The following WDFY2 variants were observed in gnomAD, a reference collection of about 807,000 sequenced individuals.
WDFY2 encodes the protein WD repeat and FYVE domain-containing protein 2.
In WDFY2, 36 loss-of-function variants were observed where a neutral mutation model predicts 56.4. The observed-to-expected ratio is 0.64, with a 90% CI of 0.49 to 0.84. WDFY2 has a LOEUF of 0.84. Among genes scored for constraint, WDFY2 ranks in the 40% least tolerant of loss-of-function variants. WDFY2 has a pLI of 0.00. For synonymous variants in WDFY2, 176 were observed against 183.7 expected (o/e 0.96, Z 0.34); for missense variants, 444 against 512.2 (o/e 0.87, Z 1.29).
chr13:51,683,965 T>G (rs1956019618), intron 3 of WDFY2, among the ~76,000 whole-genome samples: 1 of 152,142 alleles, frequency 6.6e-6, no homozygotes, highest in South Asian at 2.1e-4. Context: ...TTACTGATCC[T>G]CCTACACTAA....
At chr13:51,670,483 G>A (rs1336434643) in intron 2 of WDFY2, among the ~76,000 whole-genome samples, 4 of 136,722 alleles carry the variant, frequency 2.9e-5, no homozygotes, top group Admixed American at 7.6e-5. Context: ...CCTACTGTGC[G>A]CACATGCACA....
In WDFY2 at chr13:51,584,687, G is replaced by C. The variant is rs1953900643; in HGVS notation, c.-1G>C. 6.2e-7 allele frequency: 1 copy of C among 1,610,676 alleles called. No individual in the cohort carries two copies. The highest frequency in any genetic ancestry group is 1.1e-5 in the South Asian group (1 of 90,932). ...GCGCCCCAGGCGCGCCCCCTCCTCC[G>C]ATGGCGGCGGAGATCCAGCCCAAGC... On this transcript the variant is annotated 5_prime_UTR_variant, in exon 1 of 12. Coordinates refer to ENST00000298125, the MANE Select transcript of WDFY2 (RefSeq NM_052950.4).
At chr13:51,753,358 A>C (rs1953280499) in intron 8 of WDFY2, among the ~76,000 whole-genome samples, 1 of 152,194 alleles carries the variant, frequency 6.6e-6, no homozygotes, top group African/African-American at 2.4e-5. Context: ...AGATCGAGTG[A>C]CATTGCATAG....
intron 3 of WDFY2, among the ~76,000 whole-genome samples, chr13:51,694,784 C>T (rs1191165788): frequency 6.6e-6 from 1 of 152,176 alleles, no homozygotes; most frequent in African/African-American, 2.4e-5. Flanking sequence ...TGTTTTCCAA[C>T]TTGGTTCCAT....
chr13:51,655,674 T>C (rs749732333), intron 1 of WDFY2, among the ~76,000 whole-genome samples: 1 of 152,166 alleles, frequency 6.6e-6, no homozygotes, highest in Non-Finnish European at 1.5e-5. Context: ...CCAGCTTTCA[T>C]AGAATGTGTT....
At chr13:51,707,864 T>C (rs1952117724) in intron 4 of WDFY2, among the ~76,000 whole-genome samples, 1 of 144,070 alleles carries the variant, frequency 6.9e-6, no homozygotes, top group Non-Finnish European at 1.5e-5. Context: ...TAGAATGCTA[T>C]ACACAAAGAG....
chr13:51,701,247 GTGTGGTGGCTCACGCC>G (rs1469586166), intron 3 of WDFY2, among the ~76,000 whole-genome samples: 85 of 152,204 alleles, frequency 5.6e-4, no homozygotes, highest in African/African-American at 2.0e-3. Context: ...ACAAGGCTGG[GTGTGGTGGCTCACGCC>G]TGTAATCCCA....
At chr13:51,630,059 C>A (rs1954922384) in intron 1 of WDFY2, among the ~76,000 whole-genome samples, 1 of 152,012 alleles carries the variant, frequency 6.6e-6, no homozygotes, top group African/African-American at 2.4e-5. Context: ...AACATAATAT[C>A]TCCAGCACAT....
chr13:51,642,623 C>G (rs1955189399), intron 1 of WDFY2, among the ~76,000 whole-genome samples: 1 of 150,040 alleles, frequency 6.7e-6, no homozygotes, highest in South Asian at 2.1e-4. Flanking sequence ...ATAACATTCT[C>G]AACCAGAATA....
rs80024247 is a variant in WDFY2, at chr13:51,586,917, G to C, written c.137+2093G>C. 51 of 152,108 alleles carry C rather than the reference G, an allele frequency of 3.4e-4. No individual in the cohort carries two copies. In the East Asian group the frequency reaches 9.6e-3, roughly 29 times the overall value. 9.4% of individuals were successfully genotyped at this position (152,108 alleles called of 1,614,324 possible). ...CATGAACATAACTTTGTTATTTAGAGCTCAGTTTTGGTTATGGTTTTCATT... is the reference window on the plus strand; with the variant it reads ...CATGAACATAACTTTGTTATTTAGACCTCAGTTTTGGTTATGGTTTTCATT... On this transcript the variant is annotated intron_variant, in intron 1 of 11. Transcript: ENST00000298125.
At position 51,756,456 on chromosome 13, in the gene WDFY2, A is replaced by G. The variant is rs1160792623; in HGVS notation, c.1058A>G (p.Asp353Gly). 1 of 1,613,604 alleles carries G rather than the reference A, an allele frequency of 6.2e-7. No homozygotes were observed. Among genetic ancestry groups the G allele is most frequent in the Admixed American group, 1.7e-5 (1 of 59,906 alleles). The change falls in exon 10 of 12, where the codon GAT (aspartate) becomes GGT (glycine). Residue 353 changes from aspartate to glycine, a missense_variant. By Grantham distance (94) the Asp-to-Gly change is moderately conservative. Transcript: ENST00000298125. ...GACAGCTGCCACGAGGCCATCACAG[A>G]TGAAGAGTAAGTTCCTGCAGCCTGC... ...VCDSCHEAIT[D>G]EERAPTATFH... is the part of the protein sequence containing the mutation.
chr13:51,737,702 C>T (rs1004352635), intron 6 of WDFY2, among the ~76,000 whole-genome samples: 1 of 151,976 alleles, frequency 6.6e-6, no homozygotes, highest in African/African-American at 2.4e-5. Flanking sequence ...TCTGCTCCTT[C>T]ATTCAGCAGA....
At chr13:51,653,113 C>A (rs1024755490) in intron 1 of WDFY2, among the ~76,000 whole-genome samples, 1 of 152,108 alleles carries the variant, frequency 6.6e-6, no homozygotes, top group Non-Finnish European at 1.5e-5. Flanking sequence ...TCTTTTTATT[C>A]TTTTTTCTCT....
chr13:51,700,061 A>C (rs1268481230), intron 3 of WDFY2, among the ~76,000 whole-genome samples: 1 of 152,232 alleles, frequency 6.6e-6, no homozygotes, highest in Non-Finnish European at 1.5e-5. Context: ...AGAAAGTTAC[A>C]GAATAATATC....
At chr13:51,606,657 A>G (rs1435090004) in intron 1 of WDFY2, among the ~76,000 whole-genome samples, 1 of 152,192 alleles carries the variant, frequency 6.6e-6, no homozygotes, top group Non-Finnish European at 1.5e-5. Context: ...ATAAGTAAAT[A>G]TTATTGTATT....
At position 51,604,849 on chromosome 13, in the gene WDFY2, G is replaced by C. The variant is rs115229990; in HGVS notation, c.137+20025G>C. ...AATGATGGTGGTGCCTGAACTGAAG[G>C]ATTGTCAGGAGGGCACATTGAGAAG... On this transcript the variant is annotated intron_variant, in intron 1 of 11. Coordinates refer to ENST00000298125, the MANE Select transcript of WDFY2 (RefSeq NM_052950.4). Among the ~76,000 whole-genome samples the C allele has an allele frequency of 5.0e-3, 767 of 152,324 alleles. 5 individuals are homozygous for C. Among genetic ancestry groups the C allele is most frequent in the African/African-American group, 0.015 (604 of 41,576 alleles).
At chr13:51,688,967 A>G (rs4993822) in intron 3 of WDFY2, among the ~76,000 whole-genome samples, 144,434 of 152,286 alleles carry the variant, frequency 0.95, 68,946 homozygotes, top group East Asian at 1. Context: ...CGGGGACACA[A>G]AATACTTTAG....
chr13:51,597,355 A>G (rs551829109), intron 1 of WDFY2, among the ~76,000 whole-genome samples: 10 of 152,220 alleles, frequency 6.6e-5, no homozygotes, highest in Non-Finnish European at 1.5e-4. Flanking sequence ...TGATGTCCTT[A>G]CCATTATATA....
chr13:51,717,600 C>T (rs1457675268), intron 4 of WDFY2, among the ~76,000 whole-genome samples: 3 of 151,888 alleles, frequency 2.0e-5, no homozygotes, highest in African/African-American at 4.8e-5. Context: ...TGCTTGAAAT[C>T]GACTTGAGTA....
Sources: gnomAD v4.1 joint callset for allele counts (sites outside exome capture counted in the v4.1 genomes callset) on GRCh38, gnomAD v4.1.1 for gene constraint, MANE v1.5 for transcripts, NCBI Gene and HGNC (gene_info 2026-07-23, HGNC 2026-07-21) for gene names.